The following DAB2IP variants were observed in gnomAD, a reference collection of about 807,000 sequenced individuals.
The protein encoded by DAB2IP is DAB2 interacting protein.
Under a neutral mutation model 107.2 loss-of-function variants are expected in DAB2IP, and 28 were observed. The ratio of observed to expected loss-of-function variants is 0.26; its 90% CI spans 0.19 to 0.36. The LOEUF is 0.36. DAB2IP is among the 10% of genes least tolerant of loss of function. The pLI is 1.00. For synonymous variants in DAB2IP, 755 were observed against 706.4 expected (o/e 1.07, Z -1.09); for missense variants, 1,400 against 1,644.7 (o/e 0.85, Z 2.57).
chr9:121,729,394 G>T (rs1248587396), intron 3 of DAB2IP, among the ~76,000 whole-genome samples: 2 of 152,170 alleles, frequency 1.3e-5, no homozygotes, highest in Non-Finnish European at 2.9e-5. Context: ...AGAATTTGGG[G>T]CTGGGCAGGA....
rs1833810340 is a variant in DAB2IP at position 121,760,489 on chromosome 9, G to A, written c.1170+50G>A. 6.6e-7 allele frequency: 1 copy of A among 1,509,374 alleles called. No homozygotes were observed. The highest frequency in any genetic ancestry group is 2.0e-5 in the Admixed American group (1 of 49,052). The allele number at this position is 1,509,374 out of a possible 1,614,324, so 93.5% of individuals were successfully genotyped here. ...GACACAGGCTGGGCGGCAGCACTGG[G>A]TTACCTGCCCTTCCTCACATCCGTA... On this transcript the variant is annotated intron_variant, in intron 6 of 15. Coordinates refer to ENST00000408936, the Ensembl canonical transcript of DAB2IP. The surrounding 1 kb of genome is among the most constrained non-coding windows in gnomAD (Gnocchi z 5.9).
At chr9:121,677,062 A>T (rs1221199150) in intron 1 of DAB2IP, among the ~76,000 whole-genome samples, 1 of 152,224 alleles carries the variant, frequency 6.6e-6, no homozygotes, top group African/African-American at 2.4e-5. Flanking sequence ...CATGGCAGCT[A>T]TGGCTGCCCT....
chr9:121,739,830 C>T (rs1451556131), intron 3 of DAB2IP, among the ~76,000 whole-genome samples: 2 of 152,136 alleles, frequency 1.3e-5, no homozygotes, highest in Non-Finnish European at 1.5e-5. Flanking sequence ...TGGAAAGAAT[C>T]ACCAAAGGAA....
At chr9:121,730,108 C>G (rs1831444299) in intron 3 of DAB2IP, among the ~76,000 whole-genome samples, 1 of 152,174 alleles carries the variant, frequency 6.6e-6, no homozygotes, top group African/African-American at 2.4e-5. Flanking sequence ...CTCCACCTCG[C>G]TGCCTCCCAG....
rs559802884 is a variant in DAB2IP, at chr9:121,633,251, G to A, written c.41-45427G>A. On this transcript the variant is annotated intron_variant, in intron 1 of 16. Transcript: ENST00000259371. The surrounding 1 kb of genome is among the most constrained non-coding windows in gnomAD (Gnocchi z 5.1). Reference sequence around the variant, plus strand: ...AAACGCAGCTTCTAAATTGGGTCAGGGAAGCCTTCGAGGCCCAGAGAGAGG... The same window carrying A: ...AAACGCAGCTTCTAAATTGGGTCAGAGAAGCCTTCGAGGCCCAGAGAGAGG... 6.6e-6 allele frequency among the ~76,000 whole-genome samples: 1 copy of A among 152,112 alleles called. No individual in the cohort carries two copies. The highest frequency in any genetic ancestry group is 1.9e-4 in the East Asian group (1 of 5,194).
chr9:121,660,491 A>G (rs1479350837), intron 1 of DAB2IP, among the ~76,000 whole-genome samples: 1 of 152,104 alleles, frequency 6.6e-6, no homozygotes, highest in South Asian at 2.1e-4. Context: ...CTTCCTGGGG[A>G]ATTTTGAAGG....
intron 1 of DAB2IP, among the ~76,000 whole-genome samples, chr9:121,671,907 G>C (rs1013618512): frequency 6.6e-6 from 1 of 152,146 alleles, no homozygotes; most frequent in Non-Finnish European, 1.5e-5. Flanking sequence ...AGATCTCCAC[G>C]TGTGCAGGAT....
chr9:121,764,843 G>A lies in DAB2IP; in HGVS notation c.1460+964G>A, dbSNP rs142345705. Among the ~76,000 whole-genome samples the A allele has an allele frequency of 1.9e-3, 289 of 152,258 alleles. 1 individual carries two copies. Among genetic ancestry groups the A allele is most frequent in the African/African-American group, 6.5e-3 (272 of 41,536 alleles). On this transcript the variant is annotated intron_variant, in intron 8 of 15. Transcript: ENST00000408936. The stretch of plus-strand genomic sequence containing the variant: ...GAGGCCACACCTGGTACCCTCTGTC[G>A]CAGCCCTGATCCCATCAGGATAGGG...
At chr9:121,686,478 T>TA (rs1828884302) in intron 2 of DAB2IP, among the ~76,000 whole-genome samples, 2 of 152,124 alleles carry the variant, frequency 1.3e-5, no homozygotes, top group African/African-American at 4.8e-5. Context: ...CGTTAAGGTG[T>TA]AAAGGCCACC....
At chr9:121,655,007 C>T (rs907496187) in intron 1 of DAB2IP, among the ~76,000 whole-genome samples, 2 of 152,134 alleles carry the variant, frequency 1.3e-5, no homozygotes, top group African/African-American at 4.8e-5. Context: ...GAGTGAGGGA[C>T]AGTATCTGCA....
rs767132845 is a variant in DAB2IP at position 121,760,477 on chromosome 9, C to T, written c.1170+38C>T. 50 of 1,532,488 alleles carry T rather than the reference C, an allele frequency of 3.3e-5. No homozygotes were observed. Among genetic ancestry groups the T allele is most frequent in the South Asian group, 2.5e-5 (2 of 79,180 alleles). 94.9% of individuals were successfully genotyped at this position (1,532,488 alleles called of 1,614,324 possible). On this transcript the variant is annotated intron_variant, in intron 6 of 15. Coordinates refer to ENST00000408936, the Ensembl canonical transcript of DAB2IP. This position sits in a 1 kb window ranked among gnomAD's most constrained non-coding sequence, Gnocchi z 5.9. ...CCCTCGGCTCCTGACACAGGCTGGG[C>T]GGCAGCACTGGGTTACCTGCCCTTC...
At chr9:121,623,388 A>G (rs1386551781) in intron 1 of DAB2IP, among the ~76,000 whole-genome samples, 4 of 152,164 alleles carry the variant, frequency 2.6e-5, no homozygotes, top group Non-Finnish European at 5.9e-5. Context: ...GGTGGGGGGA[A>G]TAGGGTCTTG....
upstream of DAB2IP, among the ~76,000 whole-genome samples, chr9:121,649,806 C>T (rs926428245): frequency 6.6e-6 from 1 of 152,230 alleles, no homozygotes; most frequent in Non-Finnish European, 1.5e-5. Flanking sequence ...GACTGAGTGA[C>T]TGTGTGTGCG....
At chr9:121,756,361 T>G (rs1034708627) in intron 3 of DAB2IP, among the ~76,000 whole-genome samples, 1 of 152,172 alleles carries the variant, frequency 6.6e-6, no homozygotes, top group African/African-American at 2.4e-5. Flanking sequence ...GCCACTGACC[T>G]GGGCCCTGAG....
chr9:121,608,512 G>A (rs1422875929), intron 1 of DAB2IP, among the ~76,000 whole-genome samples: 3 of 152,112 alleles, frequency 2.0e-5, no homozygotes, highest in East Asian at 3.9e-4. Flanking sequence ...GGGAGCAGCC[G>A]AGGACTGTAA....
chr9:121,682,984 T>C (rs991824060), intron 2 of DAB2IP, among the ~76,000 whole-genome samples: 6 of 152,094 alleles, frequency 3.9e-5, no homozygotes, highest in African/African-American at 1.4e-4. Context: ...TGGGAGTAGA[T>C]GACCAGAGAG....
chr9:121,732,484 G>A (rs1027775425), intron 3 of DAB2IP, among the ~76,000 whole-genome samples: 1 of 152,106 alleles, frequency 6.6e-6, no homozygotes, highest in Non-Finnish European at 1.5e-5. Context: ...GTAGCCAGAT[G>A]GGTAGGAGTC....
chr9:121,768,653 G>T lies in DAB2IP; in HGVS notation c.1899+20G>T, dbSNP rs778677086. 1 of 1,612,066 alleles carries T rather than the reference G, an allele frequency of 6.2e-7. No individual in the cohort carries two copies. Among genetic ancestry groups the T allele is most frequent in the Non-Finnish European group, 8.5e-7 (1 of 1,179,932 alleles). The stretch of plus-strand genomic sequence containing the variant: ...GAGCAGGTGCCTGTTGCCGTGGGGC[G>T]GAGGTGGGGCCAAAAGCTGCCATCA... On this transcript the variant is annotated intron_variant, in intron 10 of 15. Transcript: ENST00000408936.
intron 3 of DAB2IP, among the ~76,000 whole-genome samples, chr9:121,700,716 C>T (rs1296979869): frequency 1.3e-5 from 2 of 152,184 alleles, no homozygotes; most frequent in Non-Finnish European, 2.9e-5. Context: ...CTTCCACCTC[C>T]CAGTAGAATG....
Sources: gnomAD v4.1 joint callset for allele counts (sites outside exome capture counted in the v4.1 genomes callset) on GRCh38, gnomAD v4.1.1 for gene constraint, Gnocchi (gnomAD v3.1) non-coding constraint, MANE v1.5 for transcripts, NCBI Gene and HGNC (gene_info 2026-07-23, HGNC 2026-07-21) for gene names.